The following RIMS2 variants were observed in gnomAD, a reference collection of about 807,000 sequenced individuals.
RIMS2 encodes regulating synaptic membrane exocytosis 2.
RIMS2 carries 59 observed loss-of-function variants against 174.4 expected under a neutral mutation model. The observed-to-expected ratio is 0.34, with a 90% CI of 0.27 to 0.42. The LOEUF (loss-of-function observed/expected upper bound fraction) is 0.42. Among genes scored for constraint, RIMS2 ranks in the 10% least tolerant of loss-of-function variants. The pLI is 1.00. For synonymous variants in RIMS2, 606 were observed against 572.5 expected (o/e 1.06, Z -0.84); for missense variants, 1,620 against 1,666.3 (o/e 0.97, Z 0.48).
chr8:103,956,491 G>A (rs1216949736), intron 14 of RIMS2, among the ~76,000 whole-genome samples: 1 of 152,136 alleles, frequency 6.6e-6, no homozygotes, highest in Non-Finnish European at 1.5e-5. Flanking sequence ...ACAAAAACAA[G>A]CAATGGGAAA....
chr8:103,751,312 T>C (rs2097888214), intron 2 of RIMS2, among the ~76,000 whole-genome samples: 2 of 152,098 alleles, frequency 1.3e-5, no homozygotes, highest in East Asian at 1.9e-4. Flanking sequence ...TTCCATGGTG[T>C]ATATGTGCCA....
chr8:103,579,916 A>G (rs1413950433), intron 1 of RIMS2, among the ~76,000 whole-genome samples: 1 of 152,210 alleles, frequency 6.6e-6, no homozygotes, highest in Non-Finnish European at 1.5e-5. Flanking sequence ...GAGAGAGTGA[A>G]GACGGAGATG....
intron 2 of RIMS2, among the ~76,000 whole-genome samples, chr8:103,721,136 G>C (rs566838817): frequency 6.6e-6 from 1 of 152,172 alleles, no homozygotes; most frequent in African/African-American, 2.4e-5. Flanking sequence ...TGTAACTCTT[G>C]CTCTGGCCAT....
intron 19 of RIMS2, among the ~76,000 whole-genome samples, chr8:104,020,320 C>G (rs1422554614): frequency 6.6e-6 from 1 of 151,820 alleles, no homozygotes; most frequent in East Asian, 1.9e-4. Context: ...ACACCACCTA[C>G]TAATGGGAAA....
In RIMS2 at chr8:103,826,240, T is replaced by G. The variant is rs371122092; in HGVS notation, c.699-59058T>G. Among the ~76,000 whole-genome samples, 15 of 152,268 alleles carry G rather than the reference T, an allele frequency of 9.9e-5. No individual in the cohort carries two copies. In the East Asian group the frequency reaches 2.7e-3, roughly 27 times the overall value. On this transcript the variant is annotated intron_variant, in intron 3 of 23. Coordinates refer to ENST00000504942, the Ensembl canonical transcript of RIMS2. ...AGTTTTAATTCTGATAAAATGTAAT[T>G]TACTAATTGTCTTCCATTGTGGTTT...
chr8:103,785,947 A>C (rs201711741), intron 3 of RIMS2, among the ~76,000 whole-genome samples: 1 of 152,088 alleles, frequency 6.6e-6, no homozygotes, highest in Non-Finnish European at 1.5e-5. Flanking sequence ...ACAATTTCAG[A>C]TCCTGTTATT....
intron 2 of RIMS2, among the ~76,000 whole-genome samples, chr8:103,711,100 A>G (rs1398045325): frequency 7.2e-5 from 11 of 152,248 alleles, no homozygotes; most frequent in Non-Finnish European, 1.6e-4. Context: ...TTAGAACACT[A>G]TCTTTTTTGT....
At chr8:103,653,541 G>A (rs977152132) in intron 1 of RIMS2, among the ~76,000 whole-genome samples, 1 of 152,132 alleles carries the variant, frequency 6.6e-6, no homozygotes, top group African/African-American at 2.4e-5. Flanking sequence ...AGCTGGTTTG[G>A]TTGTAGGAAT....
chr8:103,886,726 A>G (rs1360064376), intron 4 of RIMS2, among the ~76,000 whole-genome samples: 1 of 151,636 alleles, frequency 6.6e-6, no homozygotes, highest in African/African-American at 2.4e-5. Flanking sequence ...TAAAATTGAT[A>G]TCATGCTATA....
At chr8:103,915,780 T>C (rs963695385) in intron 7 of RIMS2, among the ~76,000 whole-genome samples, 186 bp downstream of exon 10, 14 of 152,042 alleles carry the variant, frequency 9.2e-5, no homozygotes, top group Non-Finnish European at 1.6e-4. Flanking sequence ...AAATCATTTT[T>C]ATTTGACTTT....
At chr8:103,926,896 G>T (rs1595293372) in intron 10 of RIMS2, among the ~76,000 whole-genome samples, 1 of 151,462 alleles carries the variant, frequency 6.6e-6, no homozygotes, top group Non-Finnish European at 1.5e-5. Flanking sequence ...AATTTGATTT[G>T]ATTCTGAGAG....
At chr8:103,603,603 C>G (rs996020967) in intron 1 of RIMS2, among the ~76,000 whole-genome samples, 6 of 151,968 alleles carry the variant, frequency 3.9e-5, no homozygotes, top group East Asian at 3.9e-4. Flanking sequence ...AACTAGTTTA[C>G]AGTCCCACCA....
At chr8:103,936,617 C>T in exon 13 of RIMS2, 1 of 1,609,474 alleles carries the variant, frequency 6.2e-7, no homozygotes, top group Non-Finnish European at 8.5e-7. Flanking sequence ...ACCAAACATT[C>T]ATTTATTCTC....
Position 103,608,282 on chromosome 8 carries a change from C to T in RIMS2, c.177-88804C>T, listed in dbSNP as rs2095218900. On this transcript the variant is annotated intron_variant, in intron 1 of 23. Transcript: ENST00000504942. ...CCTGTGAGGTGTCAATCTGCCCCTGCTGGGGGGTGCCTCCCAGTTAGGCTG... is the reference window on the plus strand; with the variant it reads ...CCTGTGAGGTGTCAATCTGCCCCTGTTGGGGGGTGCCTCCCAGTTAGGCTG... Among the ~76,000 whole-genome samples the T allele has an allele frequency of 1.4e-5, 2 of 143,460 alleles. 1 individual carries two copies. Among genetic ancestry groups the T allele is most frequent in the Non-Finnish European group, 3.1e-5 (2 of 65,420 alleles). The allele number at this position is 143,460 out of a possible 152,430, so 94.1% of individuals were successfully genotyped here.
At chr8:103,729,374 A>G (rs2097564985) in intron 2 of RIMS2, among the ~76,000 whole-genome samples, 1 of 152,120 alleles carries the variant, frequency 6.6e-6, no homozygotes, top group Non-Finnish European at 1.5e-5. Context: ...TGCTGTTCAT[A>G]GTAGCCTCTA....
chr8:103,557,908 AAATG>A (rs1025803139), intron 1 of RIMS2, among the ~76,000 whole-genome samples: 2 of 152,232 alleles, frequency 1.3e-5, no homozygotes, highest in Non-Finnish European at 2.9e-5. Flanking sequence ...GCTCTCCTGT[AAATG>A]AATGTGCAAC....
intron 1 of RIMS2, among the ~76,000 whole-genome samples, chr8:103,592,793 G>A (rs975889992): frequency 6.6e-5 from 10 of 151,296 alleles, no homozygotes; most frequent in African/African-American, 2.4e-4. Context: ...GAAAATAAAA[G>A]TCAAGTTGAC....
At chr8:104,251,025 A>G (rs1383142725) in exon 23 of RIMS2, 1 of 1,612,382 alleles carries the variant, frequency 6.2e-7, no homozygotes, top group African/African-American at 1.3e-5. Context: ...TTTCCCAAGC[A>G]CCGTATGTAA....
intron 19 of RIMS2, among the ~76,000 whole-genome samples, chr8:104,062,778 T>C (rs1419000746): frequency 1.3e-5 from 2 of 152,158 alleles, no homozygotes; most frequent in East Asian, 1.9e-4. Context: ...AAATATGTTA[T>C]TTCTGTCATT....
Sources: gnomAD v4.1 joint callset for allele counts (sites outside exome capture counted in the v4.1 genomes callset) on GRCh38, gnomAD v4.1.1 for gene constraint, MANE v1.5 for transcripts, NCBI Gene and HGNC (gene_info 2026-07-23, HGNC 2026-07-21) for gene names.